The following RIT2 variants were observed in gnomAD, a reference collection of about 807,000 sequenced individuals.
The protein encoded by RIT2 is GTP-binding protein Rit2.
A neutral mutation model predicts 23.7 loss-of-function variants in RIT2; 24 were observed. The observed-to-expected ratio is 1.01, with a 90% CI of 0.73 to 1.43. The LOEUF is 1.43. RIT2 is among the 40% of genes most tolerant of loss of function. RIT2 has a pLI of 0.00. For synonymous variants in RIT2, 107 were observed against 91.1 expected, an observed-to-expected ratio of 1.17 and a Z score of -0.99; for missense variants, 236 against 266.9, an observed-to-expected ratio of 0.88 and a Z score of 0.81.
At chr18:42,801,998 C>G (rs761613464) in intron 4 of RIT2, among the ~76,000 whole-genome samples, 14 of 151,990 alleles carry the variant, frequency 9.2e-5, no homozygotes, top group Non-Finnish European at 1.8e-4. Flanking sequence ...CACTAACAGC[C>G]CTATTTATTT....
intron 4 of RIT2, among the ~76,000 whole-genome samples, chr18:42,797,609 A>T (rs1043529887): frequency 2.0e-5 from 3 of 152,184 alleles, no homozygotes; most frequent in African/African-American, 7.2e-5. Context: ...GCACAGGCAA[A>T]TGCAAGACCC....
chr18:42,775,537 A>G (rs951979191), intron 4 of RIT2, among the ~76,000 whole-genome samples: 2 of 152,046 alleles, frequency 1.3e-5, no homozygotes, highest in Non-Finnish European at 2.9e-5. Context: ...TCTACTAAAA[A>G]TACAAAAAAA....
At chr18:42,991,482 T>G (rs1285785650) in intron 2 of RIT2, among the ~76,000 whole-genome samples, 3 of 152,198 alleles carry the variant, frequency 2.0e-5, no homozygotes, top group African/African-American at 7.2e-5. Context: ...TTTCCAATTT[T>G]GGGCACCTTG....
chr18:42,998,616 AG>A (rs1048078895), intron 2 of RIT2, among the ~76,000 whole-genome samples: 45 of 152,228 alleles, frequency 3.0e-4, no homozygotes, highest in Admixed American at 2.9e-3. Flanking sequence ...ACTGAACTAA[AG>A]GAATAAAGCT....
intron 1 of RIT2, among the ~76,000 whole-genome samples, chr18:43,061,735 A>C (rs539675088): frequency 1.3e-5 from 2 of 152,184 alleles, no homozygotes; most frequent in Admixed American, 1.3e-4. Flanking sequence ...TCAGCCTCAC[A>C]GAAGGAAACC....
chr18:42,883,535 TC>T (rs1907948005), intron 4 of RIT2, among the ~76,000 whole-genome samples: 1 of 152,170 alleles, frequency 6.6e-6, no homozygotes, highest in African/African-American at 2.4e-5. Context: ...TTCAGGTTTT[TC>T]AGATTTCCTT....
At chr18:43,066,471 T>G (rs140749144) in intron 1 of RIT2, among the ~76,000 whole-genome samples, 1 of 152,268 alleles carries the variant, frequency 6.6e-6, no homozygotes, top group African/African-American at 2.4e-5. Flanking sequence ...GATTTCATCT[T>G]AAGAGACAAT....
At chr18:42,918,319 G>C (rs1047816286) in intron 4 of RIT2, among the ~76,000 whole-genome samples, 2 of 152,032 alleles carry the variant, frequency 1.3e-5, no homozygotes, top group African/African-American at 4.8e-5. Context: ...AAACTCTTAA[G>C]CTTTGTTTTG....
intron 3 of RIT2, among the ~76,000 whole-genome samples, chr18:42,966,949 A>C (rs1789622): frequency 0.36 from 53,994 of 151,802 alleles, 13,193 homozygotes; most frequent in African/African-American, 0.69. Context: ...AACCTAATGT[A>C]CTCACTAATG....
At chr18:43,012,032 C>T (rs1337604831) in intron 2 of RIT2, among the ~76,000 whole-genome samples, 1 of 151,704 alleles carries the variant, frequency 6.6e-6, no homozygotes, top group Admixed American at 6.6e-5. Flanking sequence ...CTATTTTTCC[C>T]ATGTTCACGT....
At chr18:42,755,239 T>C (rs1311005007) in intron 4 of RIT2, among the ~76,000 whole-genome samples, 1 of 152,198 alleles carries the variant, frequency 6.6e-6, no homozygotes, top group Non-Finnish European at 1.5e-5. Context: ...TACCATGACC[T>C]ACAAATTCTA....
In RIT2 at chr18:42,766,202, G is replaced by A. The variant is rs143207640; in HGVS notation, c.427-22482C>T. On this transcript the variant is annotated intron_variant, in intron 4 of 4. Coordinates refer to ENST00000326695, the MANE Select transcript of RIT2 (RefSeq NM_002930.4). ...GGCAGAGGTTGGAATAGTTTGAAGC[G>A]CTCAGAAAAAGACAGGAAAATGTGG... is the stretch of plus-strand genomic sequence containing the variant. Among the ~76,000 whole-genome samples the A allele has an allele frequency of 7.7e-4, 118 of 152,268 alleles. 2 individuals carry two copies. In the East Asian group the frequency reaches 0.016, roughly 21 times the overall value.
intron 4 of RIT2, among the ~76,000 whole-genome samples, chr18:42,888,728 C>T (rs1294536809): frequency 6.6e-6 from 1 of 151,876 alleles, no homozygotes; most frequent in Non-Finnish European, 1.5e-5. Context: ...ACCACAAAGC[C>T]ATAAAAAAGA....
intron 4 of RIT2, among the ~76,000 whole-genome samples, chr18:42,888,917 A>G (rs1448071819): frequency 2.6e-5 from 4 of 152,022 alleles, no homozygotes; most frequent in African/African-American, 9.7e-5. Context: ...TGGAAGAAGG[A>G]AGGAGGAGAG....
intron 4 of RIT2, among the ~76,000 whole-genome samples, chr18:42,872,332 C>T (rs775530372): frequency 2.6e-5 from 4 of 152,050 alleles, no homozygotes; most frequent in Non-Finnish European, 4.4e-5. Context: ...TTCTTCCTCT[C>T]TATCCATTGA....
intron 4 of RIT2, among the ~76,000 whole-genome samples, chr18:42,867,417 A>C (rs1907501501): frequency 6.6e-6 from 1 of 152,106 alleles, no homozygotes; most frequent in Admixed American, 6.6e-5. Flanking sequence ...ATGTCCATAG[A>C]ATCCAGTCGC....
intron 1 of RIT2, among the ~76,000 whole-genome samples, chr18:43,039,385 G>C (rs1598757526): frequency 7.7e-6 from 1 of 129,596 alleles, no homozygotes; most frequent in African/African-American, 3.0e-5. Context: ...TTTTGCTCCT[G>C]TTGGCCAGGC....
At chr18:43,036,078 A>G (rs979814869) in intron 1 of RIT2, among the ~76,000 whole-genome samples, 2 of 152,230 alleles carry the variant, frequency 1.3e-5, no homozygotes, top group Admixed American at 6.5e-5. Flanking sequence ...TTGCTATGCA[A>G]TTGGGAAGGA....
intron 4 of RIT2, among the ~76,000 whole-genome samples, chr18:42,753,734 G>A (rs1409703229): frequency 6.6e-6 from 1 of 152,150 alleles, no homozygotes; most frequent in South Asian, 2.1e-4. Context: ...TTTTCATTTT[G>A]TTTAGTTGTA....
Sources: gnomAD v4.1 joint callset for allele counts (sites outside exome capture counted in the v4.1 genomes callset) on GRCh38, gnomAD v4.1.1 for gene constraint, MANE v1.5 for transcripts, NCBI Gene and HGNC (gene_info 2026-07-23, HGNC 2026-07-21) for gene names.